NDUFAF2: variants seen among roughly 807,000 people sequenced by gnomAD.
NDUFAF2 encodes NADH dehydrogenase [ubiquinone] 1 alpha subcomplex assembly factor 2.
A neutral mutation model predicts 22.8 loss-of-function variants in NDUFAF2; 13 were observed. That is an observed-to-expected ratio of 0.57 (90% CI 0.37 to 0.91). The LOEUF (loss-of-function observed/expected upper bound fraction) is 0.91. Ranked by LOEUF, NDUFAF2 falls within the 40% of genes least tolerant of loss-of-function variation. The pLI, the probability that NDUFAF2 is intolerant of heterozygous loss-of-function variation, is 0.01. For missense variants in NDUFAF2, 162 were observed against 195.2 expected, an observed-to-expected ratio of 0.83 and a Z score of 1.01; for synonymous variants, 53 against 64.2, an observed-to-expected ratio of 0.83 and a Z score of 0.84.
At chr5:61,026,502 G>T (rs1335734108) in intron 1 of NDUFAF2, among the ~76,000 whole-genome samples, 1 of 151,966 alleles carries the variant, frequency 6.6e-6, no homozygotes, top group Non-Finnish European at 1.5e-5. Context: ...TAAACAGAAA[G>T]AATAAGATAG....
intron 3 of NDUFAF2, among the ~76,000 whole-genome samples, chr5:61,113,849 T>C (rs1282182771): frequency 6.6e-6 from 1 of 152,066 alleles, no homozygotes; most frequent in Non-Finnish European, 1.5e-5. Context: ...ATTAAATGTG[T>C]CATGCCACTC....
intron 1 of NDUFAF2, among the ~76,000 whole-genome samples, chr5:60,961,204 A>G (rs1172017695): frequency 6.6e-6 from 1 of 152,202 alleles, no homozygotes; most frequent in African/African-American, 2.4e-5. Context: ...TCACGCCTGT[A>G]ATCCTAGCAC....
At chr5:61,121,104 C>A (rs1447169841) in intron 3 of NDUFAF2, among the ~76,000 whole-genome samples, 2 of 152,054 alleles carry the variant, frequency 1.3e-5, no homozygotes, top group Non-Finnish European at 2.9e-5. Flanking sequence ...GATCTTATAT[C>A]TTTAGGCATG....
chr5:61,032,637 A>G (rs1294686374), intron 1 of NDUFAF2, among the ~76,000 whole-genome samples: 6 of 152,160 alleles, frequency 3.9e-5, no homozygotes, highest in Admixed American at 6.5e-5. Context: ...GCCTTGTAAT[A>G]TAGTTTGAAG....
intron 1 of NDUFAF2, among the ~76,000 whole-genome samples, chr5:61,045,052 T>C (rs1342668364): frequency 6.9e-6 from 1 of 144,534 alleles, no homozygotes; most frequent in Non-Finnish European, 1.5e-5. Flanking sequence ...AACATTTTAA[T>C]AAAGTAAAAT....
intron 1 of NDUFAF2, among the ~76,000 whole-genome samples, chr5:61,025,496 AAT>A (rs2112606404): frequency 6.6e-6 from 1 of 152,212 alleles, no homozygotes; most frequent in East Asian, 1.9e-4. Context: ...GTTGTGAAAG[AAT>A]ATGGTTTCTA....
chr5:61,102,416 A>G (rs1352426240), intron 3 of NDUFAF2, among the ~76,000 whole-genome samples: 1 of 152,134 alleles, frequency 6.6e-6, no homozygotes, highest in Non-Finnish European at 1.5e-5. Context: ...TCAAAACAAC[A>G]CAATTAGGAA....
At chr5:61,146,820 T>C (rs1741145629) in intron 3 of NDUFAF2, among the ~76,000 whole-genome samples, 1 of 152,224 alleles carries the variant, frequency 6.6e-6, no homozygotes, top group African/African-American at 2.4e-5. Flanking sequence ...GTTCATTTTT[T>C]AGCCCTTTTT....
chr5:61,120,431 T>A (rs1752961800), intron 3 of NDUFAF2, among the ~76,000 whole-genome samples: 1 of 152,122 alleles, frequency 6.6e-6, no homozygotes, highest in African/African-American at 2.4e-5. Flanking sequence ...TCCTAAGAAG[T>A]AGTATCTCCA....
intron 2 of NDUFAF2, among the ~76,000 whole-genome samples, chr5:61,095,744 G>A (rs1752631785): frequency 1.3e-5 from 2 of 152,184 alleles, no homozygotes; most frequent in Admixed American, 1.3e-4. Context: ...GGAGAAGCAT[G>A]GTTTCCCAGG....
chr5:61,079,389 T>C (rs1334816633), intron 2 of NDUFAF2, among the ~76,000 whole-genome samples: 1 of 152,242 alleles, frequency 6.6e-6, no homozygotes, highest in Non-Finnish European at 1.5e-5. Flanking sequence ...GCAATGGTCA[T>C]TTACTACCTT....
chr5:61,026,979 A>T (rs1261814948), intron 1 of NDUFAF2, among the ~76,000 whole-genome samples: 2 of 151,876 alleles, frequency 1.3e-5, no homozygotes, highest in East Asian at 1.9e-4. Context: ...CCATAACAGG[A>T]TGCCCTCAGA....
intron 1 of NDUFAF2, among the ~76,000 whole-genome samples, chr5:61,011,662 C>T (rs996629576): frequency 2.0e-5 from 3 of 152,052 alleles, no homozygotes; most frequent in Non-Finnish European, 2.9e-5. Context: ...TTATGTGAGC[C>T]ATCCAACATC....
intron 1 of NDUFAF2, among the ~76,000 whole-genome samples, chr5:61,040,867 C>A (rs149098982): frequency 6.6e-6 from 1 of 152,052 alleles, no homozygotes; most frequent in Admixed American, 6.5e-5. Flanking sequence ...AGTAGGATAA[C>A]TGTTGTTATC....
intron 1 of NDUFAF2, among the ~76,000 whole-genome samples, chr5:61,019,749 A>G (rs1363428783): frequency 6.6e-6 from 1 of 152,106 alleles, no homozygotes; most frequent in Non-Finnish European, 1.5e-5. Flanking sequence ...TTTTACATAT[A>G]TTCTTATAAA....
chr5:61,152,616 T>C (rs1480807883), intron 3 of NDUFAF2, 88 bp from the exon 4 acceptor site: 1 of 893,696 alleles, frequency 1.1e-6, no homozygotes, highest in Non-Finnish European at 1.6e-6. Context: ...TATATGTATA[T>C]AATGTATTTT....
intron 2 of NDUFAF2, among the ~76,000 whole-genome samples, chr5:61,087,281 G>T (rs1752515863): frequency 1.3e-5 from 2 of 152,100 alleles, no homozygotes; most frequent in Non-Finnish European, 1.5e-5. Flanking sequence ...GATTATACTG[G>T]CATCTTGATC....
chr5:61,126,816 A>C (rs1366468050), intron 3 of NDUFAF2, among the ~76,000 whole-genome samples: 1 of 152,008 alleles, frequency 6.6e-6, no homozygotes, highest in Non-Finnish European at 1.5e-5. Flanking sequence ...TAGAGACACA[A>C]AAAAACCCTT....
At chr5:61,040,280 A>ACGCGCGCGCG (rs745774856) in intron 1 of NDUFAF2, among the ~76,000 whole-genome samples, 5 of 114,698 alleles carry the variant, frequency 4.4e-5, no homozygotes, top group African/African-American at 1.5e-4. Context: ...ACACACACAC[A>ACGCGCGCGCG]CACACACGCG....
Sources: allele counts gnomAD v4.1 joint callset (sites outside exome capture counted in the v4.1 genomes callset), GRCh38; gene constraint gnomAD v4.1.1; transcripts MANE v1.5; gene names NCBI Gene and HGNC (gene_info 2026-07-23, HGNC 2026-07-21).